Variants in PIBF1 observed in about 807,000 individuals in gnomAD.
PIBF1 encodes the protein progesterone-induced-blocking factor 1.
Under a neutral mutation model 112.5 loss-of-function variants are expected in PIBF1, and 90 were observed. That is an observed-to-expected ratio of 0.80 (90% CI 0.67 to 0.95). PIBF1 has a LOEUF of 0.95. Among genes scored for constraint, PIBF1 ranks in the 40% least tolerant of loss-of-function variants. The pLI is 0.00. For missense variants in PIBF1, 915 were observed against 852.3 expected, an observed-to-expected ratio of 1.07 and a Z score of -0.92; for synonymous variants, 301 against 288.6, an observed-to-expected ratio of 1.04 and a Z score of -0.44.
At chr13:72,925,542 C>CTTTTTTTTTT (rs59074858) in intron 13 of PIBF1, among the ~76,000 whole-genome samples, 18 of 102,032 alleles carry the variant, frequency 1.8e-4, no homozygotes, top group Non-Finnish European at 2.6e-4. Flanking sequence ...CTTTCTCTCT[C>CTTTTTTTTTT]TTTTTTTTTT....
intron 17 of PIBF1, among the ~76,000 whole-genome samples, chr13:72,999,305 A>G (rs1416963557): frequency 6.6e-6 from 1 of 152,134 alleles, no homozygotes; most frequent in African/African-American, 2.4e-5. Flanking sequence ...TTTGGATTAA[A>G]AGGTAAAATA....
In PIBF1 at chr13:72,792,497, A is replaced by T; in HGVS notation, c.303A>T (p.Leu101=). The T allele has an allele frequency of 1.3e-6, 2 of 1,579,500 alleles. No homozygotes were observed. The highest frequency in any genetic ancestry group is 1.7e-6 in the Non-Finnish European group (2 of 1,167,316). Residue 101 remains leucine, a synonymous_variant, in exon 3 of 18, where the codon CTA becomes CTT. Coordinates refer to ENST00000326291, the MANE Select transcript of PIBF1 (RefSeq NM_006346.4). ...ATGATGCACTTCACCAGAAGCAGCT[A>T]CTAACATTGAGATTAGACAACCAAT... ...KLNDALHQKQ[L]LTLRLDNQLA... is the part of the protein sequence containing the mutation.
At chr13:72,975,749 T>A (rs2043004731) in intron 16 of PIBF1, among the ~76,000 whole-genome samples, 1 of 152,184 alleles carries the variant, frequency 6.6e-6, no homozygotes. Flanking sequence ...CTAGACCTTA[T>A]CCATCACCGC....
At position 72,827,815 on chromosome 13, in the gene PIBF1, G is replaced by T. The variant is rs376755905; in HGVS notation, c.998G>T (p.Arg333Leu). 1 of 1,604,166 alleles carries T rather than the reference G, an allele frequency of 6.2e-7. No individual in the cohort carries two copies. The highest frequency in any genetic ancestry group is 1.7e-5 in the Admixed American group (1 of 58,466). The change falls in exon 8 of 18, where the codon CGC (arginine) becomes CTC (leucine). Residue 333 changes from arginine to leucine, a missense_variant. By Grantham distance (102) the Arg-to-Leu change is moderately radical (BLOSUM62 -2). Transcript: ENST00000326291. The part of the protein sequence containing the change: ...LNRQNMELSV[R>L]CAHEEDRLER... ...CGCCAAAACATGGAGCTTAGTGTTC[G>T]CTGTGCTCATGAAGAGGATCGCCTT...
In PIBF1 at chr13:72,783,511, C is replaced by G; in HGVS notation, c.42C>G (p.Ile14Met). 6.2e-7 allele frequency: 1 copy of G among 1,611,776 alleles called. No homozygotes were observed. Among genetic ancestry groups the G allele is most frequent in the Non-Finnish European group, 8.5e-7 (1 of 1,177,988 alleles). ...CAAAGGAGTCAAAAAAAGTGAACAT[C>G]TCTAGTTCTCTGGAATCTGAAGATA... ...KISKESKKVN[I>M]SSSLESEDIS... Residue 14 changes from isoleucine to methionine, a missense_variant, in exon 2 of 18, where the codon ATC becomes ATG. Transcript: ENST00000326291.
At chr13:72,843,226 A>C (rs937568004) in intron 9 of PIBF1, among the ~76,000 whole-genome samples, 1 of 152,252 alleles carries the variant, frequency 6.6e-6, no homozygotes, top group Non-Finnish European at 1.5e-5. Context: ...GAGATCACGT[A>C]GGAGGCTGTT....
chr13:72,844,831 G>C (rs950852846), intron 9 of PIBF1, among the ~76,000 whole-genome samples: 2 of 130,248 alleles, frequency 1.5e-5, no homozygotes, highest in Admixed American at 7.8e-5. Flanking sequence ...GCCCAGGCTG[G>C]GTCTTGAACT....
intron 10 of PIBF1, among the ~76,000 whole-genome samples, chr13:72,870,595 G>A (rs903486909): frequency 1.3e-5 from 2 of 152,090 alleles, no homozygotes; most frequent in Admixed American, 1.3e-4. Flanking sequence ...AACAATTTCA[G>A]TTTTGAAAGA....
intron 5 of PIBF1, among the ~76,000 whole-genome samples, chr13:72,809,164 C>T (rs1277027179): frequency 8.6e-4 from 101 of 117,218 alleles, no homozygotes; most frequent in African/African-American, 3.2e-3. Context: ...TTAATTAAAC[C>T]TGTTGGGGGC....
intron 5 of PIBF1, among the ~76,000 whole-genome samples, chr13:72,817,371 T>A (rs1235164209): frequency 6.6e-6 from 1 of 152,220 alleles, no homozygotes; most frequent in South Asian, 2.1e-4. Context: ...TACTGTGATG[T>A]AGAAATTTTC....
Position 72,908,627 on chromosome 13 carries a change from A to T in PIBF1, c.1585A>T (p.Ile529Phe). The change falls in exon 12 of 18, where the codon ATT (isoleucine) becomes TTT (phenylalanine). Residue 529 changes from isoleucine to phenylalanine, a missense_variant. Physicochemically the swap from Ile to Phe is conservative, Grantham distance 21. Coordinates refer to ENST00000326291, the MANE Select transcript of PIBF1 (RefSeq NM_006346.4). ...QNSEHQARLD[I>F]YEKLEKELDE... ...CTCAGAGCATCAAGCAAGGCTAGAC[A>T]TTTATGAGAAACTGGAAAAAGAGCT... 1 of 1,613,574 alleles carries T rather than the reference A, an allele frequency of 6.2e-7. No individual in the cohort carries two copies. Among genetic ancestry groups the T allele is most frequent in the Non-Finnish European group, 8.5e-7 (1 of 1,179,588 alleles).
chr13:72,795,942 C>G (rs2035170537), intron 4 of PIBF1, among the ~76,000 whole-genome samples: 1 of 152,100 alleles, frequency 6.6e-6, no homozygotes, highest in East Asian at 1.9e-4. Flanking sequence ...GAGATTGGCG[C>G]AAGATCTTGA....
At chr13:72,965,063 A>G (rs2042703972) in intron 14 of PIBF1, among the ~76,000 whole-genome samples, 1 of 149,498 alleles carries the variant, frequency 6.7e-6, no homozygotes, top group Admixed American at 6.7e-5. Flanking sequence ...CTGTCTCAAA[A>G]AAAAGAAAAC....
chr13:72,821,627 A>G (rs2036560443), intron 5 of PIBF1, among the ~76,000 whole-genome samples: 1 of 152,188 alleles, frequency 6.6e-6, no homozygotes, highest in South Asian at 2.1e-4. Context: ...TTTATTTGAA[A>G]AACAGTTTAA....
intron 14 of PIBF1, among the ~76,000 whole-genome samples, chr13:72,938,728 T>C (rs747666177): frequency 2.0e-5 from 3 of 152,216 alleles, no homozygotes; most frequent in Non-Finnish European, 4.4e-5. Context: ...TATGATTCAC[T>C]TTTCAAGAAA....
chr13:72,882,584 CAGTA>C (rs2039686511), intron 10 of PIBF1, among the ~76,000 whole-genome samples: 2 of 152,058 alleles, frequency 1.3e-5, no homozygotes, highest in Admixed American at 1.3e-4. Flanking sequence ...TCAAACAACT[CAGTA>C]GGAAAAAAAT....
intron 13 of PIBF1, among the ~76,000 whole-genome samples, chr13:72,929,024 A>G (rs371720551): frequency 1.3e-5 from 2 of 152,164 alleles, no homozygotes; most frequent in African/African-American, 4.8e-5. Context: ...TTATTGTTCT[A>G]TACTGAGTAT....
intron 16 of PIBF1, among the ~76,000 whole-genome samples, chr13:72,980,456 G>T (rs1015058641): frequency 2.5e-4 from 38 of 152,126 alleles, no homozygotes; most frequent in African/African-American, 9.2e-4. Context: ...CTCTCAAGAG[G>T]TCAGGCCAAA....
chr13:72,827,195 G>T lies in PIBF1; in HGVS notation c.915+77G>T, dbSNP rs1185533081. 5.4e-6 allele frequency: 3 copies of T among 559,672 alleles called. No homozygotes were observed. The East Asian group carries it at 1.0e-4, about 19-fold the overall frequency. 34.7% of individuals were successfully genotyped at this position (559,672 alleles called of 1,614,324 possible). ...AAAATAGCCCAGAGTAGATTTGAAG[G>T]AGAGACATTTTTTTTGTTATGTAGT... On this transcript the variant is annotated intron_variant, in intron 7 of 17. Coordinates refer to ENST00000326291, the MANE Select transcript of PIBF1 (RefSeq NM_006346.4).
Sources: gnomAD v4.1 joint callset for allele counts (sites outside exome capture counted in the v4.1 genomes callset) on GRCh38, gnomAD v4.1.1 for gene constraint, MANE v1.5 for transcripts, NCBI Gene and HGNC (gene_info 2026-07-23, HGNC 2026-07-21) for gene names.